Variants in GNA11 observed in about 807,000 individuals in gnomAD.
GNA11 encodes the protein guanine nucleotide-binding protein subunit alpha-11.
GNA11 carries 8 observed loss-of-function variants against 38.2 expected under a neutral mutation model. That is an observed-to-expected ratio of 0.21 (90% CI 0.12 to 0.38). The LOEUF (loss-of-function observed/expected upper bound fraction) is 0.38, where lower values mean the gene tolerates loss of function less well. Among genes scored for constraint, GNA11 ranks in the 10% least tolerant of loss-of-function variants. The pLI is 1.00. For synonymous variants in GNA11, 211 were observed against 221.4 expected (o/e 0.95, Z 0.42); for missense variants, 268 against 516.3 (o/e 0.52, Z 4.66).
chr19:3,122,678 C>T lies in GNA11; in HGVS notation c.*1499C>T, dbSNP rs1177109310. 3.0e-5 allele frequency: 7 copies of T among 233,470 alleles called. No individual in the cohort carries two copies. The highest frequency in any genetic ancestry group is 6.0e-5 in the East Asian group (1 of 16,596). 14.5% of individuals were successfully genotyped at this position (233,470 alleles called of 1,614,324 possible). ...ATGGATCGCCTGTGCTGCCTTCGCC[C>T]GCCGCCACACCGGGACCCTGCACGG... On this transcript the variant is annotated 3_prime_UTR_variant, in exon 7 of 7. Transcript: ENST00000078429. The surrounding 1 kb of genome is among the most constrained non-coding windows in gnomAD (Gnocchi z 7.7).
At chr19:3,098,434 C>T (rs751828204) in intron 1 of GNA11, among the ~76,000 whole-genome samples, 6 of 152,236 alleles carry the variant, frequency 3.9e-5, no homozygotes, top group African/African-American at 9.6e-5. Flanking sequence ...GTTAGGTTTC[C>T]GTCTCACTGG....
chr19:3,097,213 G>A (rs1225066880), intron 1 of GNA11, among the ~76,000 whole-genome samples: 1 of 152,116 alleles, frequency 6.6e-6, no homozygotes, highest in Admixed American at 6.5e-5. Flanking sequence ...GCTGCAGCAG[G>A]TGGCTATGGC....
chr19:3,110,308 T>G lies in GNA11; in HGVS notation c.296T>G (p.Ile99Ser). The G allele has an allele frequency of 6.2e-7, 1 of 1,613,808 alleles. No individual in the cohort carries two copies. The highest frequency in any genetic ancestry group is 8.5e-7 in the Non-Finnish European group (1 of 1,179,850). The change falls in exon 2 of 7, where the codon ATC becomes AGC. Residue 99 changes from isoleucine (I) to serine (S), a missense_variant. Physicochemically the swap from Ile to Ser is moderately radical, Grantham distance 142. This residue lies in a region of GNA11 where 151 missense variants were observed against 254.0 expected (regional missense o/e 0.59). Transcript: ENST00000078429. This position sits in a 1 kb window ranked among gnomAD's most constrained non-coding sequence, Gnocchi z 5.4. ...AMIRAMETLK[I>S]LYKYEQNKAN... is the part of the protein sequence containing the mutation. ...ATCCGGGCCATGGAGACGCTCAAGATCCTCTACAAGTACGAGCAGAACAAG... is the reference window on the plus strand; with the variant it reads ...ATCCGGGCCATGGAGACGCTCAAGAGCCTCTACAAGTACGAGCAGAACAAG...
chr19:3,111,887 C>T, intron 2 of GNA11, among the ~76,000 whole-genome samples: 1 of 152,222 alleles, frequency 6.6e-6, no homozygotes, highest in East Asian at 1.9e-4. Flanking sequence ...GGGCTCTTGC[C>T]CTTAGATCTT....
rs1352429316 is a variant in GNA11 at position 3,108,876 on chromosome 19, G to T, written c.137-1273G>T. ...CACTCACAAGTTGGCTCCCTCTAGT[G>T]GCTGTTGGTGGGAGGCCTCAGTTCC... On this transcript the variant is annotated intron_variant, in intron 1 of 6. Coordinates refer to ENST00000078429, the MANE Select transcript of GNA11 (RefSeq NM_002067.5). The surrounding 1 kb of genome is among the most constrained non-coding windows in gnomAD (Gnocchi z 4.5). Among the ~76,000 whole-genome samples the T allele has an allele frequency of 6.6e-6, 1 of 152,152 alleles. No individual in the cohort carries two copies. Among genetic ancestry groups the T allele is most frequent in the African/African-American group, 2.4e-5 (1 of 41,430 alleles).
chr19:3,113,617 G>A (rs867219088), intron 3 of GNA11, 133 bp downstream of exon 3: 12 of 657,366 alleles, frequency 1.8e-5, no homozygotes, highest in Middle Eastern at 6.3e-4. Context: ...CGGTGGGCCC[G>A]GGCCACCTGG....
At position 3,108,909 on chromosome 19, in the gene GNA11, G is replaced by C. The variant is rs1163004849; in HGVS notation, c.137-1240G>C. Among the ~76,000 whole-genome samples, 1 of 152,150 alleles carries C rather than the reference G, an allele frequency of 6.6e-6. No individual in the cohort carries two copies. The highest frequency in any genetic ancestry group is 6.5e-5 in the Admixed American group (1 of 15,282). On this transcript the variant is annotated intron_variant, in intron 1 of 6. Transcript: ENST00000078429. The surrounding 1 kb of genome is among the most constrained non-coding windows in gnomAD (Gnocchi z 4.5). ...GTGGGAGGCCTCAGTTCCTCACCAC[G>C]TGGGCCTCTCCGTGAAGCTGCTTGA...
chr19:3,112,008 C>T (rs1599303079), intron 2 of GNA11, among the ~76,000 whole-genome samples: 1 of 152,266 alleles, frequency 6.6e-6, no homozygotes, highest in Admixed American at 6.5e-5. Context: ...AAACACGCAT[C>T]TGCAAACTGC....
At chr19:3,095,614 G>A (rs1913345107) in intron 1 of GNA11, among the ~76,000 whole-genome samples, 3 of 150,332 alleles carry the variant, frequency 2.0e-5, no homozygotes, top group Non-Finnish European at 3.0e-5. Flanking sequence ...GGGAAACCCC[G>A]TACTCCTCTT....
intron 1 of GNA11, among the ~76,000 whole-genome samples, chr19:3,104,264 C>T (rs1913582453): frequency 6.6e-6 from 1 of 152,244 alleles, no homozygotes; most frequent in Non-Finnish European, 1.5e-5. Flanking sequence ...TCCTGGTTGG[C>T]CTCTCCAGAT....
At chr19:3,105,494 G>A (rs367812793) in intron 1 of GNA11, among the ~76,000 whole-genome samples, 1 of 152,058 alleles carries the variant, frequency 6.6e-6, no homozygotes, top group Non-Finnish European at 1.5e-5. Flanking sequence ...CATAGACAGC[G>A]GTGCCTTCTT....
intron 2 of GNA11, among the ~76,000 whole-genome samples, chr19:3,112,737 G>A (rs966321554): frequency 1.3e-5 from 2 of 152,256 alleles, no homozygotes; most frequent in African/African-American, 2.4e-5. Flanking sequence ...GCCACACGCC[G>A]TCCTTAGCAC....
In GNA11 at chr19:3,123,813, CT is replaced by C; in HGVS notation, c.*2638del. 4.3e-6 allele frequency: 1 copy of C among 232,288 alleles called. No homozygotes were observed. The highest frequency in any genetic ancestry group is 6.1e-5 in the East Asian group (1 of 16,440). The allele number at this position is 232,288 out of a possible 1,614,324, so 14.4% of individuals were successfully genotyped here. ...TATTCTATACAAGCTGTTTTTAAGC[CT>C]TTTACCATTTGAAATGCATGTGTTG... On this transcript the variant is annotated 3_prime_UTR_variant, in exon 7 of 7. Transcript: ENST00000078429.
In GNA11 at chr19:3,094,910, C is replaced by T; in HGVS notation, c.136+123C>T. 3.2e-6 allele frequency: 2 copies of T among 616,140 alleles called. No individual in the cohort carries two copies. Among genetic ancestry groups the T allele is most frequent in the Admixed American group, 4.5e-5 (1 of 22,382 alleles). The allele number at this position is 616,140 out of a possible 1,614,324, so 38.2% of individuals were successfully genotyped here. On this transcript the variant is annotated intron_variant, in intron 1 of 6. Coordinates refer to ENST00000078429, the MANE Select transcript of GNA11 (RefSeq NM_002067.5). This position sits in a 1 kb window ranked among gnomAD's most constrained non-coding sequence, Gnocchi z 6.0. ...GCCTGTGCCGTCCGGGTCGCGAGAC[C>T]CTCCGGGGTCAGCCCTGCCTGTGCC...
intron 1 of GNA11, among the ~76,000 whole-genome samples, chr19:3,099,225 C>T (rs1016024346): frequency 1.8e-4 from 24 of 132,796 alleles, no homozygotes; most frequent in Admixed American, 1.3e-3. Flanking sequence ...GGGGCCTGCT[C>T]GGCCCTACCC....
chr19:3,116,099 G>T (rs1009134950), intron 4 of GNA11, among the ~76,000 whole-genome samples: 1 of 152,058 alleles, frequency 6.6e-6, no homozygotes, highest in African/African-American at 2.4e-5. Context: ...GGCCTCCGGG[G>T]CTCCAGGTCC....
In GNA11 at chr19:3,094,538, TGGCCGAGGCCGGAGGGCCGCGGCGGGC is replaced by T. The variant is rs1913311543; in HGVS notation, c.-110_-84del. 8.3e-6 allele frequency: 2 copies of T among 242,296 alleles called. No homozygotes were observed. The highest frequency in any genetic ancestry group is 1.2e-5 in the Non-Finnish European group (2 of 162,730). The allele number at this position is 242,296 out of a possible 1,614,324, so 15.0% of individuals were successfully genotyped here. The stretch of plus-strand genomic sequence containing the variant: ...GGGCCGGCCCGGGGCCGAGGGCCGG[TGGCCGAGGCCGGAGGGCCGCGGCGGGC>T]GGCGGCCGAGGCGGCTCCGGCCAGG... On this transcript the variant is annotated 5_prime_UTR_variant, in exon 1 of 7. Coordinates refer to ENST00000078429, the MANE Select transcript of GNA11 (RefSeq NM_002067.5). This position sits in a 1 kb window ranked among gnomAD's most constrained non-coding sequence, Gnocchi z 6.0.
intron 4 of GNA11, 81 bp from the exon 5 acceptor site, chr19:3,118,843 G>A (rs2145325623): frequency 2.3e-6 from 3 of 1,316,174 alleles, no homozygotes; most frequent in Non-Finnish European, 1.1e-6. Flanking sequence ...GGCAGGAGGG[G>A]CTTGGGTGGG....
chr19:3,096,227 T>C (rs939032405), intron 1 of GNA11, among the ~76,000 whole-genome samples: 2 of 151,986 alleles, frequency 1.3e-5, no homozygotes, highest in African/African-American at 2.4e-5. Context: ...CTGATTTTTT[T>C]CCCCAAACTT....
Sources: allele counts gnomAD v4.1 joint callset (sites outside exome capture counted in the v4.1 genomes callset), GRCh38; gene constraint gnomAD v4.1.1; regional missense constraint gnomAD v4.1.1; non-coding constraint Gnocchi (gnomAD v3.1); transcripts MANE v1.5; gene names NCBI Gene and HGNC (gene_info 2026-07-23, HGNC 2026-07-21).